ATP9B: variants seen among roughly 807,000 people sequenced by gnomAD.
ATP9B encodes ATPase phospholipid transporting 9B.
ATP9B carries 110 observed loss-of-function variants against 146.1 expected under a neutral mutation model. That is an observed-to-expected ratio of 0.75 (90% CI 0.65 to 0.88). The LOEUF (loss-of-function observed/expected upper bound fraction) is 0.88, where lower values mean the gene tolerates loss of function less well. Ranked by LOEUF, ATP9B falls within the 40% of genes least tolerant of loss-of-function variation. The pLI is 0.00. For synonymous variants in ATP9B, 604 were observed against 569.7 expected, an observed-to-expected ratio of 1.06 and a Z score of -0.86; for missense variants, 1,499 against 1,496.4, an observed-to-expected ratio of 1.00 and a Z score of -0.03.
At chr18:79,372,714 T>A in intron 26 of ATP9B, 111 bp from the exon 27 acceptor site, 1 of 782,824 alleles carries the variant, frequency 1.3e-6, no homozygotes, top group Non-Finnish European at 2.3e-6. Context: ...GTGGCATGGA[T>A]GGGGCTTATG....
chr18:79,292,721 G>A (rs1214875214), intron 13 of ATP9B, among the ~76,000 whole-genome samples: 2 of 151,882 alleles, frequency 1.3e-5, no homozygotes. Flanking sequence ...AGAGTGGGGG[G>A]TGGGTGAAAG....
chr18:79,193,120 A>G, intron 8 of ATP9B, 63 bp from the exon 9 acceptor site: 2 of 1,251,588 alleles, frequency 1.6e-6, no homozygotes, highest in Middle Eastern at 2.0e-4. Context: ...AGCAAATGAG[A>G]AATTTCCAAG....
chr18:79,123,981 A>G (rs930183477), intron 4 of ATP9B, among the ~76,000 whole-genome samples: 4 of 152,234 alleles, frequency 2.6e-5, no homozygotes. Context: ...ACCCAGTAGG[A>G]TGGCTGCAAT....
chr18:79,236,473 CT>C (rs139762358), intron 11 of ATP9B, among the ~76,000 whole-genome samples: 4,924 of 148,480 alleles, frequency 0.033, 118 homozygotes, highest in Non-Finnish European at 0.043. Flanking sequence ...GTTTATCAAC[CT>C]TTTTTTTTTA....
At chr18:79,282,345 A>G (rs763068774) in intron 13 of ATP9B, among the ~76,000 whole-genome samples, 35 of 152,184 alleles carry the variant, frequency 2.3e-4, no homozygotes, top group Non-Finnish European at 4.7e-4. Context: ...ACAACATGGC[A>G]TGCTACGGAG....
In ATP9B at chr18:79,200,071, A is replaced by T. The variant is rs1013174359; in HGVS notation, c.954+6808A>T. Among the ~76,000 whole-genome samples the T allele has an allele frequency of 9.2e-5, 14 of 152,334 alleles. 1 individual carries two copies. The highest frequency in any genetic ancestry group is 6.8e-3 in the Middle Eastern group (2 of 294). Reference sequence around the variant, plus strand: ...ACATAGTTGTTTGTTATTTAATATTATGTACTGTACATAATTGTATGCACT... The same window carrying T: ...ACATAGTTGTTTGTTATTTAATATTTTGTACTGTACATAATTGTATGCACT... On this transcript the variant is annotated intron_variant, in intron 9 of 29. Coordinates refer to ENST00000426216, the MANE Select transcript of ATP9B (RefSeq NM_198531.5).
chr18:79,158,601 TG>T lies in ATP9B; in HGVS notation c.778+4047del, dbSNP rs2094831330. 2.0e-5 allele frequency among the ~76,000 whole-genome samples: 3 copies of T among 152,324 alleles called. No homozygotes were observed. In the South Asian group the frequency reaches 6.2e-4, roughly 32 times the overall value. The stretch of plus-strand genomic sequence containing the variant: ...AGCCACCTTATCTGGCCTGATTCAT[TG>T]TTTATTAATGAATATGAATTTCCTC... On this transcript the variant is annotated intron_variant, in intron 7 of 29. Coordinates refer to ENST00000426216, the MANE Select transcript of ATP9B (RefSeq NM_198531.5).
At chr18:79,076,324 C>A (rs2072610135) in intron 1 of ATP9B, among the ~76,000 whole-genome samples, 1 of 152,134 alleles carries the variant, frequency 6.6e-6, no homozygotes, top group African/African-American at 2.4e-5. Context: ...TCTAACTATT[C>A]TTTTAGGGTA....
chr18:79,243,298 T>C (rs958132957), intron 11 of ATP9B, among the ~76,000 whole-genome samples: 10 of 152,208 alleles, frequency 6.6e-5, no homozygotes, highest in African/African-American at 2.4e-4. Flanking sequence ...AATATAATTA[T>C]AAATAGGTGA....
At chr18:79,312,997 C>T (rs966005313) in intron 15 of ATP9B, among the ~76,000 whole-genome samples, 6 of 152,182 alleles carry the variant, frequency 3.9e-5, no homozygotes, top group Non-Finnish European at 8.8e-5. Context: ...AATGTGGAAA[C>T]CCAAGCTCCA....
intron 7 of ATP9B, among the ~76,000 whole-genome samples, chr18:79,169,867 C>T (rs2095042572): frequency 2.0e-5 from 3 of 152,194 alleles, no homozygotes. Flanking sequence ...CACCTCTAAG[C>T]AGTGAGGAGC....
chr18:79,339,181 A>G (rs2096843164), intron 19 of ATP9B, among the ~76,000 whole-genome samples: 1 of 151,460 alleles, frequency 6.6e-6, no homozygotes, highest in Non-Finnish European at 1.5e-5. Context: ...TCGCAGTAGG[A>G]AATACGTCAT....
At chr18:79,360,676 C>G (rs1164617759) in intron 26 of ATP9B, 1 of 152,156 alleles carries the variant, frequency 6.6e-6, no homozygotes, top group African/African-American at 2.4e-5. Flanking sequence ...GAAATAAAGA[C>G]TTTAAAGTTT....
intron 22 of ATP9B, 30 bp downstream of exon 22, chr18:79,345,602 G>C (rs765836532): frequency 1.2e-6 from 2 of 1,601,184 alleles, no homozygotes; most frequent in South Asian, 1.1e-5. Flanking sequence ...CTCACAGGGA[G>C]GTCTCCAGAG....
At chr18:79,200,727 G>GGGTCAGAGCAGAGGTGGAGGTGGGA in intron 9 of ATP9B, among the ~76,000 whole-genome samples, 1 of 45,542 alleles carries the variant, frequency 2.2e-5, no homozygotes. Flanking sequence ...TGGAGGTGGG[G>GGGTCAGAGCAGAGGTGGAGGTGGGA]ACTGTCGGGG....
intron 11 of ATP9B, among the ~76,000 whole-genome samples, chr18:79,215,688 C>T (rs1041997660): frequency 6.6e-6 from 1 of 150,830 alleles, no homozygotes; most frequent in Non-Finnish European, 1.5e-5. Context: ...GTGAGCAAAA[C>T]TAGAACATCT....
chr18:79,357,972 T>A (rs1339539565), intron 25 of ATP9B, among the ~76,000 whole-genome samples: 1 of 85,756 alleles, frequency 1.2e-5, no homozygotes, highest in African/African-American at 6.4e-5. Flanking sequence ...GGTCTGGAGG[T>A]GTCCGTGTGA....
At chr18:79,151,724 A>G (rs934875272) in intron 6 of ATP9B, among the ~76,000 whole-genome samples, 1 of 146,184 alleles carries the variant, frequency 6.8e-6, no homozygotes, top group South Asian at 2.1e-4. Context: ...TGTATGTAGA[A>G]GTGTTTTTTT....
chr18:79,074,311 C>T (rs768467952), intron 1 of ATP9B, among the ~76,000 whole-genome samples: 1 of 152,164 alleles, frequency 6.6e-6, no homozygotes, highest in Non-Finnish European at 1.5e-5. Flanking sequence ...TGTATCCCAT[C>T]CATATGGACC....
Sources: allele counts gnomAD v4.1 joint callset (sites outside exome capture counted in the v4.1 genomes callset), GRCh38; gene constraint gnomAD v4.1.1; transcripts MANE v1.5; gene names NCBI Gene and HGNC (gene_info 2026-07-23, HGNC 2026-07-21).